The following RASA1 variants were observed in gnomAD, a reference collection of about 807,000 sequenced individuals.
The protein encoded by RASA1 is RAS p21 protein activator 1, also known as ras GTPase-activating protein 1.
A neutral mutation model predicts 132.2 loss-of-function variants in RASA1; 25 were observed. That is an observed-to-expected ratio of 0.19 (90% CI 0.14 to 0.26). The LOEUF (loss-of-function observed/expected upper bound fraction) is 0.26, where lower values mean the gene tolerates loss of function less well. Ranked by LOEUF, RASA1 falls within the 10% of genes least tolerant of loss-of-function variation. The pLI is 1.00. For synonymous variants in RASA1, 477 were observed against 449.9 expected (o/e 1.06, Z -0.76); for missense variants, 964 against 1,299.2 (o/e 0.74, Z 3.97).
At chr5:87,351,034 T>C (rs1321517312) in intron 8 of RASA1, among the ~76,000 whole-genome samples, 1 of 151,702 alleles carries the variant, frequency 6.6e-6, no homozygotes, top group Non-Finnish European at 1.5e-5. Context: ...GAAAGATTTT[T>C]CAATAAATCT....
chr5:87,389,266 G>C, intron 23 of RASA1, 127 bp from the exon 24 acceptor site: 2 of 1,226,074 alleles, frequency 1.6e-6, no homozygotes. Context: ...GGGAGGCGGA[G>C]GTTGCAGTGA....
At chr5:87,305,942 G>A (rs1470254870) in intron 1 of RASA1, among the ~76,000 whole-genome samples, 1 of 152,148 alleles carries the variant, frequency 6.6e-6, no homozygotes, top group Non-Finnish European at 1.5e-5. Context: ...AGTCAGCATG[G>A]GTGTTATTAA....
At chr5:87,351,600 G>A (rs571948873) in intron 8 of RASA1, among the ~76,000 whole-genome samples, 1 of 151,848 alleles carries the variant, frequency 6.6e-6, no homozygotes, top group Admixed American at 6.6e-5. Context: ...CATTGAATAT[G>A]CTTTAGTTTT....
At chr5:87,307,542 C>T (rs1755676318) in intron 1 of RASA1, among the ~76,000 whole-genome samples, 1 of 152,184 alleles carries the variant, frequency 6.6e-6, no homozygotes, top group Admixed American at 6.5e-5. Context: ...CTTAATTTTA[C>T]AAATTTGATT....
chr5:87,284,000 T>G (rs1334690903), intron 1 of RASA1, among the ~76,000 whole-genome samples: 4 of 152,180 alleles, frequency 2.6e-5, no homozygotes, highest in African/African-American at 4.8e-5. Context: ...TATTTAGAGA[T>G]ATTTGTATCA....
intron 1 of RASA1, among the ~76,000 whole-genome samples, chr5:87,288,399 G>T (rs937016412): frequency 6.6e-6 from 1 of 152,054 alleles, no homozygotes; most frequent in African/African-American, 2.4e-5. Context: ...AACTTGGAAA[G>T]AATTGTTTTC....
chr5:87,304,342 T>C (rs1273838932), intron 1 of RASA1, among the ~76,000 whole-genome samples: 2 of 152,256 alleles, frequency 1.3e-5, no homozygotes, highest in African/African-American at 2.4e-5. Context: ...ACATGTATCA[T>C]TGACTTATTA....
intron 4 of RASA1, 38 bp from the exon 5 acceptor site, chr5:87,337,936 A>G (rs1222926182): frequency 6.5e-7 from 1 of 1,549,680 alleles, no homozygotes; most frequent in South Asian, 1.2e-5. Context: ...TGTATTTAAA[A>G]TTTTTAAATT....
chr5:87,290,929 G>GT (rs1031666491), intron 1 of RASA1, among the ~76,000 whole-genome samples: 5 of 152,150 alleles, frequency 3.3e-5, no homozygotes, highest in South Asian at 4.1e-4. Context: ...TTGTATGCAG[G>GT]TTTTTTTGTG....
chr5:87,388,066 A>G (rs935734497), intron 23 of RASA1, among the ~76,000 whole-genome samples: 33 of 152,288 alleles, frequency 2.2e-4, no homozygotes, highest in African/African-American at 7.7e-4. Context: ...AACCCCAAAC[A>G]TGAATAAAAT....
chr5:87,382,556 G>C (rs1020212937), intron 20 of RASA1, among the ~76,000 whole-genome samples: 6 of 152,044 alleles, frequency 3.9e-5, no homozygotes, highest in African/African-American at 1.5e-4. Context: ...TTATTAGTGT[G>C]GATTCTTCTT....
At chr5:87,276,611 T>C (rs959411969) in intron 1 of RASA1, among the ~76,000 whole-genome samples, 1 of 152,088 alleles carries the variant, frequency 6.6e-6, no homozygotes, top group Non-Finnish European at 1.5e-5. Context: ...TACAGATACG[T>C]TGTGCAGGTA....
At chr5:87,372,667 A>G (rs1303188913) in intron 13 of RASA1, among the ~76,000 whole-genome samples, 1 of 152,152 alleles carries the variant, frequency 6.6e-6, no homozygotes, top group African/African-American at 2.4e-5. Flanking sequence ...AGATTTGTGG[A>G]GAGTTAAGCT....
At chr5:87,388,783 A>T (rs1561332795) in intron 23 of RASA1, among the ~76,000 whole-genome samples, 1 of 152,208 alleles carries the variant, frequency 6.6e-6, no homozygotes. Flanking sequence ...ACTTAGACAA[A>T]CTACAGGAGC....
intron 22 of RASA1, 73 bp downstream of exon 22, chr5:87,385,462 C>T: frequency 8.5e-7 from 1 of 1,182,908 alleles, no homozygotes; most frequent in South Asian, 1.3e-5. Context: ...TAAATTGTGG[C>T]TTAAGTAAAT....
chr5:87,341,212 A>C (rs924844532), intron 5 of RASA1, 78 bp from the exon 6 acceptor site: 2 of 844,486 alleles, frequency 2.4e-6, no homozygotes, highest in East Asian at 6.8e-5. Flanking sequence ...ATGTTTGCAG[A>C]TACGATTTTC....
At chr5:87,314,533 C>T (rs929808168) in intron 1 of RASA1, among the ~76,000 whole-genome samples, 1 of 152,050 alleles carries the variant, frequency 6.6e-6, no homozygotes, top group Non-Finnish European at 1.5e-5. Flanking sequence ...ATGAGGGAAA[C>T]AGGTAGAGAA....
chr5:87,342,891 C>A (rs1283694314), intron 6 of RASA1, among the ~76,000 whole-genome samples: 1 of 152,004 alleles, frequency 6.6e-6, no homozygotes, highest in Non-Finnish European at 1.5e-5. Context: ...AGGTTAAATG[C>A]TAGTAAACAT....
intron 6 of RASA1, among the ~76,000 whole-genome samples, chr5:87,341,585 A>T (rs971404869): frequency 3.9e-5 from 6 of 152,184 alleles, no homozygotes; most frequent in Non-Finnish European, 7.4e-5. Context: ...TTATAACATT[A>T]TGAATGTCAC....
Sources: gnomAD v4.1 joint callset for allele counts (sites outside exome capture counted in the v4.1 genomes callset) on GRCh38, gnomAD v4.1.1 for gene constraint, MANE v1.5 for transcripts, NCBI Gene and HGNC (gene_info 2026-07-23, HGNC 2026-07-21) for gene names.